The following UBA6 variants were observed in gnomAD, a reference collection of about 807,000 sequenced individuals.
UBA6 encodes ubiquitin-like modifier-activating enzyme 6.
Under a neutral mutation model 148.3 loss-of-function variants are expected in UBA6, and 87 were observed. The ratio of observed to expected loss-of-function variants is 0.59; its 90% CI spans 0.49 to 0.70. The LOEUF is 0.70. Among genes scored for constraint, UBA6 ranks in the 30% least tolerant of loss-of-function variants. UBA6 has a pLI of 0.00. For missense variants in UBA6, 1,186 were observed against 1,241.2 expected (o/e 0.96, Z 0.67); for synonymous variants, 376 against 401.0 (o/e 0.94, Z 0.75).
intron 23 of UBA6, 89 bp downstream of exon 23, chr4:67,633,256 T>A: frequency 8.7e-7 from 1 of 1,155,678 alleles, no homozygotes; most frequent in Non-Finnish European, 1.2e-6. Context: ...AAAGAAAGAA[T>A]ACACATTTCA....
intron 9 of UBA6, among the ~76,000 whole-genome samples, chr4:67,666,005 A>G (rs1011567932): frequency 2.0e-5 from 3 of 152,198 alleles, no homozygotes; most frequent in African/African-American, 7.2e-5. Flanking sequence ...AGCAACATCA[A>G]AAGATAAATG....
At chr4:67,620,201 C>A (rs868052903) in intron 32 of UBA6, among the ~76,000 whole-genome samples, 3 of 152,230 alleles carry the variant, frequency 2.0e-5, no homozygotes, top group Middle Eastern at 3.4e-3. Context: ...AAATACTACT[C>A]TTAATTTATC....
intron 2 of UBA6, among the ~76,000 whole-genome samples, chr4:67,695,870 G>A (rs1418203581): frequency 6.6e-6 from 1 of 152,112 alleles, no homozygotes; most frequent in Non-Finnish European, 1.5e-5. Context: ...CTAATAAAGT[G>A]CCCATTATTG....
At chr4:67,631,264 T>C (rs1422818034) in intron 25 of UBA6, among the ~76,000 whole-genome samples, 2 of 152,180 alleles carry the variant, frequency 1.3e-5, no homozygotes, top group Non-Finnish European at 2.9e-5. Flanking sequence ...GTGAATCTAA[T>C]GTGTATCTAA....
intron 7 of UBA6, among the ~76,000 whole-genome samples, chr4:67,670,952 CTTG>C (rs896205896): frequency 3.9e-5 from 6 of 152,008 alleles, no homozygotes; most frequent in African/African-American, 1.4e-4. Context: ...TGAATTCTTA[CTTG>C]TTATTTTAGG....
intron 13 of UBA6, among the ~76,000 whole-genome samples, chr4:67,651,725 G>A (rs1365088783): frequency 6.6e-6 from 1 of 151,828 alleles, no homozygotes; most frequent in African/African-American, 2.4e-5. Flanking sequence ...AGACAGGATG[G>A]AGCTGGCAAA....
intron 6 of UBA6, among the ~76,000 whole-genome samples, chr4:67,675,801 A>T (rs1242964501): frequency 6.6e-6 from 1 of 152,114 alleles, no homozygotes; most frequent in African/African-American, 2.4e-5. Flanking sequence ...AGAAAGAAAG[A>T]AAAATAAATA....
At chr4:67,645,624 C>T (rs1560485260) in intron 16 of UBA6, among the ~76,000 whole-genome samples, 1 of 150,762 alleles carries the variant, frequency 6.6e-6, no homozygotes, top group Non-Finnish European at 1.5e-5. Flanking sequence ...ATACAGAATA[C>T]ACTTCTATAT....
chr4:67,658,694 AAAATG>A (rs1302007223), intron 13 of UBA6, among the ~76,000 whole-genome samples: 2 of 152,238 alleles, frequency 1.3e-5, no homozygotes, highest in Non-Finnish European at 2.9e-5. Flanking sequence ...AAAGTTAAAA[AAAATG>A]AAATGAACAT....
At chr4:67,650,277 C>T (rs1023222818) in intron 13 of UBA6, among the ~76,000 whole-genome samples, 1 of 152,054 alleles carries the variant, frequency 6.6e-6, no homozygotes, top group East Asian at 1.9e-4. Flanking sequence ...TTCTATTATA[C>T]AAGTAAGAAA....
chr4:67,696,736 T>C (rs1433381218), intron 1 of UBA6, 29 bp from the exon 2 acceptor site: 2 of 1,557,720 alleles, frequency 1.3e-6, no homozygotes, highest in East Asian at 2.3e-5. Context: ...TTATTAAATA[T>C]TCACATTTTA....
rs1728600974 is a variant in UBA6 at position 67,615,141 on chromosome 4, T to G, written c.*3856A>C. 2 of 152,198 alleles carry G rather than the reference T, an allele frequency of 1.3e-5. No individual in the cohort carries two copies. The highest frequency in any genetic ancestry group is 4.8e-5 in the African/African-American group (2 of 41,454). The allele number at this position is 152,198 out of a possible 1,614,324, so 9.4% of individuals were successfully genotyped here. ...GAAATGTGATCCCCAGTGTTGGAGG[T>G]GAGGGCTGGTGGGAGGTGTTCGGGT... On this transcript the variant is annotated 3_prime_UTR_variant, in exon 33 of 33. Coordinates refer to ENST00000322244, the MANE Select transcript of UBA6 (RefSeq NM_018227.6).
rs530419775 is a variant in UBA6, at chr4:67,617,024, A to T, written c.*1973T>A. ...GCAATAACCATTAACTATAGAAAAA[A>T]AGTAATGGAAAAATGGTTGCAGGTT... is the stretch of plus-strand genomic sequence containing the variant. On this transcript the variant is annotated 3_prime_UTR_variant, in exon 33 of 33. Coordinates refer to ENST00000322244, the MANE Select transcript of UBA6 (RefSeq NM_018227.6). The T allele has an allele frequency of 6.6e-6, 1 of 152,232 alleles. No individual in the cohort carries two copies. The highest frequency in any genetic ancestry group is 1.9e-4 in the East Asian group (1 of 5,190). The allele number at this position is 152,232 out of a possible 1,614,324, so 9.4% of individuals were successfully genotyped here. A position where few individuals can be genotyped will look rare whatever the true frequency, so the allele number is the denominator to read the frequency against.
intron 23 of UBA6, among the ~76,000 whole-genome samples, chr4:67,632,269 G>GA (rs1373616625): frequency 6.7e-6 from 1 of 149,530 alleles, no homozygotes; most frequent in African/African-American, 2.5e-5. Flanking sequence ...AACAAAACCA[G>GA]AAAAAACACA....
chr4:67,647,528 C>T lies in UBA6; in HGVS notation c.1249-737G>A, dbSNP rs1343138882. ...GATATATAATCTATAATTATACATACTATGTGTATGTGTATGTCATCTATA... is the reference window on the plus strand; with the variant it reads ...GATATATAATCTATAATTATACATATTATGTGTATGTGTATGTCATCTATA... On this transcript the variant is annotated intron_variant, in intron 14 of 32. Transcript: ENST00000322244. Among the ~76,000 whole-genome samples, 7 of 152,066 alleles carry T rather than the reference C, an allele frequency of 4.6e-5. No homozygotes were observed. The East Asian group carries it at 1.3e-3, about 29-fold the overall frequency.
chr4:67,668,988 C>T (rs1730075193), intron 8 of UBA6, among the ~76,000 whole-genome samples: 1 of 151,920 alleles, frequency 6.6e-6, no homozygotes, highest in South Asian at 2.1e-4. Flanking sequence ...TTCCAAGTTA[C>T]CTAATAGTTT....
intron 19 of UBA6, among the ~76,000 whole-genome samples, chr4:67,636,628 G>A (rs1326689329): frequency 6.6e-6 from 1 of 152,350 alleles, no homozygotes; most frequent in East Asian, 1.9e-4. Context: ...TCCTAACAGT[G>A]AGTGATCTGC....
intron 32 of UBA6, among the ~76,000 whole-genome samples, chr4:67,620,610 T>C (rs12506926): frequency 0.019 from 2,955 of 152,142 alleles, 72 homozygotes; most frequent in East Asian, 0.1. Context: ...GAGGGCAAAG[T>C]AGGGAAGGAA....
chr4:67,650,794 G>T (rs781220457), intron 13 of UBA6, among the ~76,000 whole-genome samples: 2 of 151,956 alleles, frequency 1.3e-5, no homozygotes, highest in Non-Finnish European at 2.9e-5. Flanking sequence ...ATTGATGAGA[G>T]GTATAAAACT....
Sources: gnomAD v4.1 joint callset for allele counts (sites outside exome capture counted in the v4.1 genomes callset) on GRCh38, gnomAD v4.1.1 for gene constraint, MANE v1.5 for transcripts, NCBI Gene and HGNC (gene_info 2026-07-23, HGNC 2026-07-21) for gene names.